DTNA: variants seen among roughly 807,000 people sequenced by gnomAD.
DTNA encodes dystrobrevin alpha, also known as dystrophin-related protein 3.
Under a neutral mutation model 100.7 loss-of-function variants are expected in DTNA, and 43 were observed. That is an observed-to-expected ratio of 0.43 (90% CI 0.33 to 0.55). The LOEUF is 0.55. Ranked by LOEUF, DTNA falls within the 20% of genes least tolerant of loss-of-function variation. The pLI is 0.04. For missense variants in DTNA, 798 were observed against 953.9 expected (o/e 0.84, Z 2.15); for synonymous variants, 349 against 347.9 (o/e 1.00, Z -0.04).
At chr18:34,589,624 GA>G (rs908465658) in intron 1 of DTNA, among the ~76,000 whole-genome samples, 159 of 151,146 alleles carry the variant, frequency 1.1e-3, no homozygotes, top group African/African-American at 3.7e-3. Flanking sequence ...AAAACAAAAC[GA>G]AAAAAAAGTA....
chr18:34,647,331 G>A (rs186379760), intron 1 of DTNA, among the ~76,000 whole-genome samples: 1 of 152,230 alleles, frequency 6.6e-6, no homozygotes, highest in East Asian at 1.9e-4. Context: ...ACAGAACCAG[G>A]CCCATTTCAT....
intron 1 of DTNA, among the ~76,000 whole-genome samples, chr18:34,739,859 G>A (rs1169463871): frequency 6.6e-6 from 1 of 152,106 alleles, no homozygotes; most frequent in Non-Finnish European, 1.5e-5. Flanking sequence ...TATTACTAGA[G>A]GAGAAGTAAT....
At chr18:34,701,051 C>T (rs1236829602) in intron 1 of DTNA, among the ~76,000 whole-genome samples, 12 of 152,100 alleles carry the variant, frequency 7.9e-5, no homozygotes, top group South Asian at 2.1e-4. Context: ...TCACATGCTC[C>T]GTCTCTCTGC....
intron 7 of DTNA, among the ~76,000 whole-genome samples, chr18:34,816,454 C>A (rs2095599841): frequency 6.6e-6 from 1 of 152,062 alleles, no homozygotes; most frequent in Non-Finnish European, 1.5e-5. Context: ...GTCATATGTT[C>A]CAGATTGTGA....
intron 10 of DTNA, chr18:34,829,141 G>C: frequency 6.2e-7 from 1 of 1,613,906 alleles, no homozygotes; most frequent in African/African-American, 1.3e-5. Flanking sequence ...TTCCTCCAGG[G>C]TGCATGGTAC....
At chr18:34,639,132 C>G (rs970304386) in intron 1 of DTNA, among the ~76,000 whole-genome samples, 3 of 152,202 alleles carry the variant, frequency 2.0e-5, no homozygotes, top group African/African-American at 7.2e-5. Context: ...TGAGCCACTG[C>G]TCCTGGCCCC....
chr18:34,607,464 A>AT (rs2053364378), intron 1 of DTNA, among the ~76,000 whole-genome samples: 1 of 152,120 alleles, frequency 6.6e-6, no homozygotes, highest in African/African-American at 2.4e-5. Context: ...GAGCTCCCCT[A>AT]TTTTTTCTAC....
At chr18:34,700,747 ACTC>A (rs933729261) in intron 1 of DTNA, among the ~76,000 whole-genome samples, 73 of 151,508 alleles carry the variant, frequency 4.8e-4, no homozygotes, top group Non-Finnish European at 8.4e-4. Context: ...GTCAGCTCAC[ACTC>A]CTCCTCTGCA....
intron 1 of DTNA, among the ~76,000 whole-genome samples, chr18:34,713,692 G>C (rs1354327928): frequency 6.6e-6 from 1 of 151,786 alleles, no homozygotes; most frequent in South Asian, 2.1e-4. Flanking sequence ...AGCTTGATGG[G>C]GATGGCATTG....
intron 1 of DTNA, among the ~76,000 whole-genome samples, chr18:34,673,287 T>C (rs889782993): frequency 6.6e-6 from 1 of 151,966 alleles, no homozygotes; most frequent in African/African-American, 2.4e-5. Context: ...TATTATTTTT[T>C]CTCTATACAA....
chr18:34,806,933 T>C (rs2095375886), intron 5 of DTNA, among the ~76,000 whole-genome samples: 1 of 152,204 alleles, frequency 6.6e-6, no homozygotes, highest in South Asian at 2.1e-4. Flanking sequence ...GTTTGTTTGT[T>C]TGTTTGCTTT....
At chr18:34,723,617 G>A (rs1226017448) in intron 1 of DTNA, among the ~76,000 whole-genome samples, 2 of 151,996 alleles carry the variant, frequency 1.3e-5, no homozygotes, top group African/African-American at 4.8e-5. Context: ...GTAAAAATAG[G>A]GCCAGGCACG....
At chr18:34,813,814 C>G (rs1008477351) in intron 6 of DTNA, among the ~76,000 whole-genome samples, 2 of 148,620 alleles carry the variant, frequency 1.3e-5, no homozygotes, top group Admixed American at 1.3e-4. Flanking sequence ...TGCACTCCAG[C>G]CTGGGAGACA....
chr18:34,682,799 T>G (rs183323594), intron 1 of DTNA, among the ~76,000 whole-genome samples: 3 of 152,212 alleles, frequency 2.0e-5, no homozygotes. Flanking sequence ...TATTTCTGTC[T>G]TCGCTTGTCA....
intron 1 of DTNA, among the ~76,000 whole-genome samples, chr18:34,495,769 A>G (rs1046559209): frequency 7.2e-5 from 11 of 152,296 alleles, no homozygotes; most frequent in African/African-American, 2.6e-4. Flanking sequence ...TTCTAAGTTG[A>G]AATACTTTTA....
chr18:34,831,530 G>A (rs539324290), intron 11 of DTNA, among the ~76,000 whole-genome samples: 14 of 152,340 alleles, frequency 9.2e-5, no homozygotes, highest in African/African-American at 3.1e-4. Context: ...CAATTTGGGA[G>A]GCTGAGGTGA....
At chr18:34,664,413 C>T (rs957362084) in intron 1 of DTNA, among the ~76,000 whole-genome samples, 3 of 151,982 alleles carry the variant, frequency 2.0e-5, no homozygotes, top group Non-Finnish European at 2.9e-5. Flanking sequence ...GCTCCAATCA[C>T]GTGCTTTATT....
intron 10 of DTNA, among the ~76,000 whole-genome samples, chr18:34,828,116 C>T (rs1380266090): frequency 6.6e-6 from 1 of 152,154 alleles, no homozygotes; most frequent in East Asian, 1.9e-4. Context: ...CCTGGAGTTC[C>T]TGAGGCTAGA....
chr18:34,788,214 T>C (rs1317663052), intron 3 of DTNA, among the ~76,000 whole-genome samples: 1 of 152,216 alleles, frequency 6.6e-6, no homozygotes, highest in Non-Finnish European at 1.5e-5. Context: ...AAGCAACATA[T>C]TTATACAACT....
Sources: allele counts gnomAD v4.1 joint callset (sites outside exome capture counted in the v4.1 genomes callset), GRCh38; gene constraint gnomAD v4.1.1; transcripts MANE v1.5; gene names NCBI Gene and HGNC (gene_info 2026-07-23, HGNC 2026-07-21).